Variants in LMAN2L observed in about 807,000 individuals in gnomAD.
LMAN2L encodes lectin, mannose binding 2 like, also known as VIP36-like protein.
LMAN2L carries 30 observed loss-of-function variants against 44.3 expected under a neutral mutation model. The ratio of observed to expected loss-of-function variants is 0.68; its 90% CI spans 0.51 to 0.92. LMAN2L has a LOEUF of 0.92. LMAN2L is among the 40% of genes least tolerant of loss of function. The pLI, the probability that LMAN2L is intolerant of heterozygous loss-of-function variation, is 0.00. For synonymous variants in LMAN2L, 183 were observed against 171.1 expected (o/e 1.07, Z -0.54); for missense variants, 429 against 446.1 (o/e 0.96, Z 0.35).
intron 4 of LMAN2L, among the ~76,000 whole-genome samples, chr2:96,731,978 G>T (rs2078407710): frequency 6.6e-6 from 1 of 151,896 alleles, no homozygotes; most frequent in Admixed American, 6.6e-5. Flanking sequence ...CTCCCAAGTA[G>T]CTGGGACTAC....
chr2:96,721,314 ATTTC>A (rs1018280809), intron 4 of LMAN2L, among the ~76,000 whole-genome samples: 1 of 139,104 alleles, frequency 7.2e-6, no homozygotes, highest in Non-Finnish European at 1.6e-5. Context: ...TCGATACTTA[ATTTC>A]TTTCAGTCTT....
rs1200631568 is a variant in LMAN2L, at chr2:96,705,980, A to T, written c.*1276T>A. 1.3e-5 allele frequency: 2 copies of T among 152,548 alleles called. No homozygotes were observed. The highest frequency in any genetic ancestry group is 2.9e-5 in the Non-Finnish European group (2 of 68,048). The allele number at this position is 152,548 out of a possible 1,614,324, so 9.4% of individuals were successfully genotyped here. A position where few individuals can be genotyped will look rare whatever the true frequency, so the allele number is the denominator to read the frequency against. On this transcript the variant is annotated 3_prime_UTR_variant, in exon 8 of 8. Coordinates refer to ENST00000264963, the MANE Select transcript of LMAN2L (RefSeq NM_030805.4). ...TTTCATTTAGGCTACAGAGGTTCAT[A>T]GGAGGACTCAGAGTTCCAGGCCCTC...
intron 6 of LMAN2L, among the ~76,000 whole-genome samples, chr2:96,709,017 C>T (rs544706090): frequency 6.7e-6 from 1 of 148,990 alleles, no homozygotes; most frequent in African/African-American, 2.5e-5. Context: ...CAGGTTCAAG[C>T]AATTCCCCTG....
intron 4 of LMAN2L, among the ~76,000 whole-genome samples, chr2:96,722,247 C>A (rs1256184765): frequency 6.6e-6 from 1 of 152,140 alleles, no homozygotes; most frequent in Non-Finnish European, 1.5e-5. Context: ...GGATTACAGG[C>A]GTGAGCCACC....
chr2:96,728,767 A>T (rs961001094), intron 4 of LMAN2L, among the ~76,000 whole-genome samples: 3 of 147,026 alleles, frequency 2.0e-5, no homozygotes, highest in African/African-American at 7.5e-5. Flanking sequence ...CAGCTACCCC[A>T]AAGGCTAAGG....
At chr2:96,714,003 GCCAGGTACTGTT>G (rs2077983333) in intron 4 of LMAN2L, among the ~76,000 whole-genome samples, 1 of 152,164 alleles carries the variant, frequency 6.6e-6, no homozygotes, top group South Asian at 2.1e-4. Context: ...CCTACTACAA[GCCAGGTACTGTT>G]CCAGATGCTG....
intron 4 of LMAN2L, among the ~76,000 whole-genome samples, chr2:96,713,344 C>T (rs1357041003): frequency 6.6e-6 from 1 of 152,176 alleles, no homozygotes; most frequent in Non-Finnish European, 1.5e-5. Context: ...AAACCATATG[C>T]ACGGGTGCTT....
intron 2 of LMAN2L, chr2:96,737,250 G>A (rs984333719): frequency 7.1e-6 from 3 of 422,864 alleles, no homozygotes; most frequent in Non-Finnish European, 9.2e-6. Flanking sequence ...CAAATAAAAT[G>A]ACCAACAGCT....
chr2:96,737,087 C>A (rs1213632028), intron 2 of LMAN2L: 1 of 445,936 alleles, frequency 2.2e-6, no homozygotes, highest in Non-Finnish European at 4.5e-6. Context: ...GTAAACTGGT[C>A]GTAAAAGATT....
rs1558967921 is a variant in LMAN2L at position 96,739,870 on chromosome 2, C to G, written c.171G>C (p.Leu57=). ...TFEYLKREHS[L]SKPYQGVGTG... ...GCGCCTCACCCTGGTAGGGCTTCGA[C>G]AGCGAGTGCTCCCGTTTCAAGTACT... Residue 57 remains leucine, a synonymous_variant, in exon 1 of 8, where the codon CTG becomes CTC. Coordinates refer to ENST00000264963, the MANE Select transcript of LMAN2L (RefSeq NM_030805.4). The G allele has an allele frequency of 1.9e-6, 3 of 1,613,854 alleles. No individual in the cohort carries two copies. Among genetic ancestry groups the G allele is most frequent in the Non-Finnish European group, 1.7e-6 (2 of 1,180,022 alleles).
chr2:96,726,670 G>C (rs1031520598), intron 4 of LMAN2L, among the ~76,000 whole-genome samples: 3 of 152,046 alleles, frequency 2.0e-5, no homozygotes, highest in Non-Finnish European at 4.4e-5. Flanking sequence ...TGTAATCCCA[G>C]CTGCTCAGGA....
Position 96,707,022 on chromosome 2 carries a change from G to A in LMAN2L, c.*234C>T. ...CCCACATGGAAGGACTGCAGGGAAA[G>A]GCACATCACAGCAGCATTGCCCTGG... On this transcript the variant is annotated 3_prime_UTR_variant, in exon 8 of 8. Transcript: ENST00000264963. 2 of 371,154 alleles carry A rather than the reference G, an allele frequency of 5.4e-6. No individual in the cohort carries two copies. Among genetic ancestry groups the A allele is most frequent in the Non-Finnish European group, 9.7e-6 (2 of 207,084 alleles). The allele number at this position is 371,154 out of a possible 1,614,324, so 23.0% of individuals were successfully genotyped here. A position where few individuals can be genotyped will look rare whatever the true frequency, so the allele number is the denominator to read the frequency against.
At chr2:96,722,466 C>T (rs1320340765) in intron 4 of LMAN2L, among the ~76,000 whole-genome samples, 2 of 151,894 alleles carry the variant, frequency 1.3e-5, no homozygotes, top group African/African-American at 2.4e-5. Flanking sequence ...CTCGCATGCT[C>T]AGTTCATAAG....
At chr2:96,734,549 A>C (rs1558964350) in intron 2 of LMAN2L, 23 bp from the exon 3 acceptor site, 1 of 1,438,416 alleles carries the variant, frequency 7.0e-7, no homozygotes, top group Non-Finnish European at 9.8e-7. Context: ...AGACATTAGA[A>C]TCAATGAGGA....
At chr2:96,720,340 C>T (rs572899188) in intron 4 of LMAN2L, among the ~76,000 whole-genome samples, 38 of 152,282 alleles carry the variant, frequency 2.5e-4, no homozygotes, top group Middle Eastern at 3.4e-3. Context: ...CTGATTTCAA[C>T]GGAAGCACAT....
intron 4 of LMAN2L, among the ~76,000 whole-genome samples, chr2:96,727,605 G>A (rs1398891921): frequency 6.6e-6 from 1 of 152,218 alleles, no homozygotes; most frequent in Admixed American, 6.5e-5. Context: ...TGGTTGCTAT[G>A]ATTTTCCCAA....
chr2:96,725,591 C>T (rs1474510233), intron 4 of LMAN2L, among the ~76,000 whole-genome samples: 10 of 151,264 alleles, frequency 6.6e-5, no homozygotes, highest in African/African-American at 2.2e-4. Context: ...TACAGGCGCC[C>T]GCCACCATGC....
chr2:96,732,516 C>T (rs1028547273), intron 4 of LMAN2L, among the ~76,000 whole-genome samples: 62 of 151,770 alleles, frequency 4.1e-4, no homozygotes, highest in Non-Finnish European at 7.4e-4. Flanking sequence ...TGGTGGCATG[C>T]GCCTGTAGTC....
chr2:96,716,959 G>C (rs1232004501), intron 4 of LMAN2L, among the ~76,000 whole-genome samples: 2 of 152,170 alleles, frequency 1.3e-5, no homozygotes, highest in Non-Finnish European at 2.9e-5. Flanking sequence ...CAGGATCTGG[G>C]ACTTTCTTTC....
Sources: allele counts gnomAD v4.1 joint callset (sites outside exome capture counted in the v4.1 genomes callset), GRCh38; gene constraint gnomAD v4.1.1; transcripts MANE v1.5; gene names NCBI Gene and HGNC (gene_info 2026-07-23, HGNC 2026-07-21).